SEC61B: variants seen among roughly 807,000 people sequenced by gnomAD.
The protein encoded by SEC61B is SEC61 translocon subunit beta.
In SEC61B, 7 loss-of-function variants were observed where a neutral mutation model predicts 12.6. The ratio of observed to expected loss-of-function variants is 0.55; its 90% CI spans 0.32 to 1.04. The LOEUF is 1.04. Among genes scored for constraint, SEC61B ranks in the 50% least tolerant of loss-of-function variants. The probability of loss-of-function intolerance (pLI) is 0.05; values close to 1 mark genes in which losing one functional copy is unlikely to be tolerated. For missense variants in SEC61B, 107 were observed against 130.1 expected (o/e 0.82, Z 0.86); for synonymous variants, 54 against 50.1 (o/e 1.08, Z -0.33).
chr9:99,223,595 A>G (rs2119015032), intron 2 of SEC61B, among the ~76,000 whole-genome samples: 1 of 152,190 alleles, frequency 6.6e-6, no homozygotes, highest in South Asian at 2.1e-4. Context: ...GGGTTTCACC[A>G]TGTTAGCCAG....
intron 2 of SEC61B, among the ~76,000 whole-genome samples, chr9:99,224,865 T>C (rs1324259910): frequency 6.6e-6 from 1 of 152,242 alleles, no homozygotes. Context: ...CTTTGGATTA[T>C]GTTGTCTGTA....
rs1310064606 is a variant in SEC61B, at chr9:99,230,593, A to G, written c.*169A>G. On this transcript the variant is annotated 3_prime_UTR_variant, in exon 4 of 4. Transcript: ENST00000223641. The stretch of plus-strand genomic sequence containing the variant: ...AGGAATCAGTTTTTTTCTATGGCTA[A>G]TAAACTTTTTAATTCACTTATACTG... 1 of 558,304 alleles carries G rather than the reference A, an allele frequency of 1.8e-6. No homozygotes were observed. Among genetic ancestry groups the G allele is most frequent in the African/African-American group, 2.0e-5 (1 of 50,878 alleles). 34.6% of individuals were successfully genotyped at this position (558,304 alleles called of 1,614,324 possible). A position where few individuals can be genotyped will look rare whatever the true frequency, so the allele number is the denominator to read the frequency against.
intron 2 of SEC61B, chr9:99,222,856 A>G: frequency 2.1e-6 from 1 of 483,702 alleles, no homozygotes; most frequent in South Asian, 3.5e-5. Context: ...AAAAAAGGAA[A>G]GTTAACAAAC....
intron 2 of SEC61B, among the ~76,000 whole-genome samples, chr9:99,224,008 A>G (rs913555901): frequency 5.9e-5 from 9 of 152,236 alleles, no homozygotes; most frequent in Admixed American, 1.3e-4. Context: ...ATAAGGCATG[A>G]CACAATAAAT....
intron 2 of SEC61B, chr9:99,222,924 G>T (rs549777431): frequency 1.8e-5 from 6 of 333,494 alleles, no homozygotes; most frequent in Middle Eastern, 8.1e-4. Context: ...GGTGTCTCTG[G>T]ACCTGAGGTT....
chr9:99,222,933 T>A (rs1828848295), intron 2 of SEC61B: 1 of 304,416 alleles, frequency 3.3e-6, no homozygotes, highest in Admixed American at 4.9e-5. Flanking sequence ...GGACCTGAGG[T>A]TTGCACTCAC....
chr9:99,226,646 C>T (rs1828899670), intron 2 of SEC61B, among the ~76,000 whole-genome samples: 1 of 152,152 alleles, frequency 6.6e-6, no homozygotes, highest in South Asian at 2.1e-4. Flanking sequence ...CCCCTTACCC[C>T]CATATTGTAC....
In SEC61B at chr9:99,230,551, A is replaced by G; in HGVS notation, c.*127A>G. On this transcript the variant is annotated 3_prime_UTR_variant, in exon 4 of 4. Coordinates refer to ENST00000223641, the MANE Select transcript of SEC61B (RefSeq NM_006808.3). Reference sequence around the variant, plus strand: ...AAGCTTGCTGTTTTACAGGGGATTTATCAATAATTGATTTTGAGGAATCAG... The same window carrying G: ...AAGCTTGCTGTTTTACAGGGGATTTGTCAATAATTGATTTTGAGGAATCAG... The G allele has an allele frequency of 1.5e-6, 1 of 659,538 alleles. No homozygotes were observed. The highest frequency in any genetic ancestry group is 2.7e-6 in the Non-Finnish European group (1 of 376,330). The allele number at this position is 659,538 out of a possible 1,614,324, so 40.9% of individuals were successfully genotyped here. A position where few individuals can be genotyped will look rare whatever the true frequency, so the allele number is the denominator to read the frequency against.
At chr9:99,229,247 G>C (rs1240777287) in intron 3 of SEC61B, among the ~76,000 whole-genome samples, 1 of 152,124 alleles carries the variant, frequency 6.6e-6, no homozygotes, top group African/African-American at 2.4e-5. Flanking sequence ...TCTTGGGGTT[G>C]GGGATATGTG....
rs1457426679 is a variant in SEC61B at position 99,228,015 on chromosome 9, C to T, written c.203+15C>T. 2 of 1,597,346 alleles carry T rather than the reference C, an allele frequency of 1.3e-6. No individual in the cohort carries two copies. Among genetic ancestry groups the T allele is most frequent in the Non-Finnish European group, 1.7e-6 (2 of 1,165,560 alleles). The stretch of plus-strand genomic sequence containing the variant: ...GGGCTCAAAGTGTAAGTCTTAGGAA[C>T]AGTCCTTGTGTTTCTGTCCAGTGGC... On this transcript the variant is annotated intron_variant, in intron 3 of 3. Transcript: ENST00000223641.
In SEC61B at chr9:99,222,379, T is replaced by G. The variant is rs754400204; in HGVS notation, c.3+13T>G. The G allele has an allele frequency of 1.2e-6, 2 of 1,613,928 alleles. No homozygotes were observed. Among genetic ancestry groups the G allele is most frequent in the Admixed American group, 1.7e-5 (1 of 59,996 alleles). Reference sequence around the variant, plus strand: ...CATCTCCAATATGGTATGGCGGCCCTTCCATGATCCCCGCCTCTCCCAGAA... The same window carrying G: ...CATCTCCAATATGGTATGGCGGCCCGTCCATGATCCCCGCCTCTCCCAGAA... On this transcript the variant is annotated intron_variant, in intron 1 of 3. Coordinates refer to ENST00000223641, the MANE Select transcript of SEC61B (RefSeq NM_006808.3).
chr9:99,227,823 T>C, intron 2 of SEC61B, 76 bp from the exon 3 acceptor site: 1 of 1,013,000 alleles, frequency 9.9e-7, no homozygotes, highest in Non-Finnish European at 1.5e-6. Flanking sequence ...AACTGTGTAA[T>C]AATGGTAGCA....
intron 2 of SEC61B, chr9:99,223,137 T>G (rs955786763): frequency 6.5e-6 from 1 of 152,742 alleles, no homozygotes; most frequent in Non-Finnish European, 1.5e-5. Context: ...TCTTTCTCTC[T>G]CTAGTCATAT....
intron 2 of SEC61B, among the ~76,000 whole-genome samples, 181 bp from the exon 3 acceptor site, chr9:99,227,718 A>G (rs1388518907): frequency 6.6e-6 from 1 of 152,196 alleles, no homozygotes; most frequent in East Asian, 1.9e-4. Context: ...GGCATCAGGT[A>G]GGCACTTAGT....
intron 2 of SEC61B, among the ~76,000 whole-genome samples, chr9:99,227,181 G>A (rs1240692711): frequency 6.1e-5 from 9 of 147,396 alleles, no homozygotes; most frequent in South Asian, 2.1e-4. Flanking sequence ...CAGAAGAATC[G>A]CTTGAACCCA....
chr9:99,222,819 C>T (rs1828846430), intron 2 of SEC61B, 176 bp downstream of exon 2: 5 of 558,342 alleles, frequency 9.0e-6, no homozygotes, highest in African/African-American at 5.7e-5. Context: ...TTTTTTTTCT[C>T]GTTGCTCAGT....
At chr9:99,222,445 A>T in intron 1 of SEC61B, 79 bp downstream of exon 1, 2 of 1,609,700 alleles carry the variant, frequency 1.2e-6, no homozygotes, top group Non-Finnish European at 8.5e-7. Flanking sequence ...TTTCCTCTGT[A>T]GCTCCCTTGC....
chr9:99,223,985 C>T (rs1828868421), intron 2 of SEC61B, among the ~76,000 whole-genome samples: 2 of 152,238 alleles, frequency 1.3e-5, no homozygotes, highest in South Asian at 4.1e-4. Context: ...CATTTCTATC[C>T]CAGGTACCCA....
intron 2 of SEC61B, among the ~76,000 whole-genome samples, chr9:99,227,525 G>A (rs2119020644): frequency 6.6e-6 from 1 of 152,288 alleles, no homozygotes; most frequent in South Asian, 2.1e-4. Context: ...AAAGTGAAAT[G>A]CTTTGTCCAC....
Sources: gnomAD v4.1 joint callset for allele counts (sites outside exome capture counted in the v4.1 genomes callset) on GRCh38, gnomAD v4.1.1 for gene constraint, MANE v1.5 for transcripts, NCBI Gene and HGNC (gene_info 2026-07-23, HGNC 2026-07-21) for gene names.